MITF: variants seen among roughly 807,000 people sequenced by gnomAD.
MITF encodes melanocyte inducing transcription factor, also known as microphthalmia-associated transcription factor.
Under a neutral mutation model 60.5 loss-of-function variants are expected in MITF, and 17 were observed. The ratio of observed to expected loss-of-function variants is 0.28; its 90% CI spans 0.19 to 0.42. The LOEUF (loss-of-function observed/expected upper bound fraction) is 0.42, where lower values mean the gene tolerates loss of function less well. MITF is among the 10% of genes least tolerant of loss of function. The pLI, the probability that MITF is intolerant of heterozygous loss-of-function variation, is 1.00. For synonymous variants in MITF, 260 were observed against 248.5 expected, an observed-to-expected ratio of 1.05 and a Z score of -0.43; for missense variants, 622 against 683.5, an observed-to-expected ratio of 0.91 and a Z score of 1.00.
intron 1 of MITF, among the ~76,000 whole-genome samples, chr3:69,815,419 C>A (rs1326780828): frequency 6.6e-6 from 1 of 152,180 alleles, no homozygotes; most frequent in Non-Finnish European, 1.5e-5. Context: ...CCTTCTCCCC[C>A]TCAGCCTACT....
chr3:69,868,924 T>G (rs1341865341), intron 1 of MITF, among the ~76,000 whole-genome samples: 2 of 150,078 alleles, frequency 1.3e-5, no homozygotes, highest in African/African-American at 5.0e-5. Context: ...AAGACAGCTA[T>G]TTGGTGGAGA....
intron 1 of MITF, among the ~76,000 whole-genome samples, chr3:69,829,650 G>A (rs535737579): frequency 5.4e-5 from 8 of 149,352 alleles, no homozygotes; most frequent in Admixed American, 2.0e-4. Context: ...AAATATATTT[G>A]TGTATATACA....
Position 69,770,193 on chromosome 3 carries a change from G to A in MITF, c.104+30492G>A, listed in dbSNP as rs149309005. Reference sequence around the variant, plus strand: ...CTCCTAATTCCTTCTCCCTGTGTAAGCCATGGGACCATCAAATTGAGATTA... The same window carrying A: ...CTCCTAATTCCTTCTCCCTGTGTAAACCATGGGACCATCAAATTGAGATTA... On this transcript the variant is annotated intron_variant, in intron 1 of 9. Coordinates refer to ENST00000352241, the MANE Select transcript of MITF (RefSeq NM_001354604.2). Among the ~76,000 whole-genome samples, 836 of 152,192 alleles carry A rather than the reference G, an allele frequency of 5.5e-3. 12 individuals are homozygous for A. Among genetic ancestry groups the A allele is most frequent in the Non-Finnish European group, 8.3e-3 (567 of 68,008 alleles).
intron 1 of MITF, among the ~76,000 whole-genome samples, chr3:69,800,410 T>A (rs1202808194): frequency 3.9e-5 from 6 of 152,214 alleles, no homozygotes; most frequent in Non-Finnish European, 8.8e-5. Flanking sequence ...TTGTACAAGT[T>A]TTTGTGTGAA....
At chr3:69,876,239 C>G (rs897363522) in intron 1 of MITF, among the ~76,000 whole-genome samples, 1 of 152,072 alleles carries the variant, frequency 6.6e-6, no homozygotes, top group Non-Finnish European at 1.5e-5. Context: ...GCCAATGACT[C>G]GTCTTGAGCA....
chr3:69,861,207 A>G (rs1334307775), intron 1 of MITF, among the ~76,000 whole-genome samples: 1 of 152,206 alleles, frequency 6.6e-6, no homozygotes, highest in Non-Finnish European at 1.5e-5. Flanking sequence ...CTCAAATTAT[A>G]CTTCATAGAT....
chr3:69,841,839 A>G (rs2063642485), intron 1 of MITF, among the ~76,000 whole-genome samples: 1 of 152,196 alleles, frequency 6.6e-6, no homozygotes, highest in African/African-American at 2.4e-5. Flanking sequence ...TAGTGGTGTT[A>G]TATGTACGAA....
chr3:69,965,304 T>C lies in MITF; in HGVS notation c.*56T>C. On this transcript the variant is annotated 3_prime_UTR_variant, in exon 10 of 10. Transcript: ENST00000352241. ...CTGCTTCCTTTCTTGATTCGTAGAT[T>C]TAATAACTTACCTGAAGGGGTTTTC... The C allele has an allele frequency of 6.3e-7, 1 of 1,587,106 alleles. No individual in the cohort carries two copies. Among genetic ancestry groups the C allele is most frequent in the South Asian group, 1.1e-5 (1 of 89,126 alleles).
chr3:69,953,660 T>G (rs558269903), intron 7 of MITF, among the ~76,000 whole-genome samples: 2,472 of 135,650 alleles, frequency 0.018, 23 homozygotes, highest in African/African-American at 0.027. Context: ...TATATATATA[T>G]ATAGAGAGAG....
At chr3:69,868,892 T>C (rs2064168293) in intron 1 of MITF, among the ~76,000 whole-genome samples, 1 of 139,390 alleles carries the variant, frequency 7.2e-6, no homozygotes, top group Non-Finnish European at 1.5e-5. Flanking sequence ...GAGGCAAGAC[T>C]CCATCTCAAA....
At chr3:69,833,551 C>G (rs2063488275) in intron 1 of MITF, among the ~76,000 whole-genome samples, 1 of 151,088 alleles carries the variant, frequency 6.6e-6, no homozygotes. Flanking sequence ...GATTGTTTTT[C>G]TATGTACACT....
intron 1 of MITF, among the ~76,000 whole-genome samples, chr3:69,766,656 T>A (rs943412415): frequency 2.6e-5 from 4 of 152,164 alleles, no homozygotes; most frequent in African/African-American, 4.8e-5. Flanking sequence ...TGCTGCTACC[T>A]ACTCATATGA....
chr3:69,886,286 G>C (rs1382126766), intron 2 of MITF, among the ~76,000 whole-genome samples: 1 of 152,088 alleles, frequency 6.6e-6, no homozygotes, highest in African/African-American at 2.4e-5. Context: ...CCTTGGAGGA[G>C]GAAAGGCAAT....
intron 1 of MITF, among the ~76,000 whole-genome samples, chr3:69,786,094 C>T (rs540371609): frequency 3.3e-5 from 5 of 152,234 alleles, no homozygotes; most frequent in South Asian, 4.2e-4. Context: ...GTGCTTCCTG[C>T]GTATGCTTTA....
intron 1 of MITF, among the ~76,000 whole-genome samples, chr3:69,750,263 A>G (rs901055971): frequency 5.3e-5 from 8 of 151,948 alleles, no homozygotes; most frequent in African/African-American, 1.5e-4. Context: ...TCCTTATCAC[A>G]GGGATTGGTT....
chr3:69,868,530 G>C (rs1334757005), intron 1 of MITF, among the ~76,000 whole-genome samples: 3 of 152,100 alleles, frequency 2.0e-5, no homozygotes, highest in African/African-American at 4.8e-5. Context: ...GAGCTCTTGA[G>C]GGGCCGTGTT....
Position 69,757,997 on chromosome 3 carries a change from ATGTGTGTGTGTGTGTG to A in MITF, c.104+18326_104+18341del, listed in dbSNP as rs60250386. Among the ~76,000 whole-genome samples, 160 of 116,046 alleles carry A rather than the reference ATGTGTGTGTGTGTGTG, an allele frequency of 1.4e-3. 3 individuals carry two copies. The highest frequency in any genetic ancestry group is 4.3e-3 in the Middle Eastern group (1 of 234). 76.1% of individuals were successfully genotyped at this position (116,046 alleles called of 152,430 possible). A position where few individuals can be genotyped will look rare whatever the true frequency, so the allele number is the denominator to read the frequency against. ...AAAGAACCTGGAGTTACCCTAGGGC[ATGTGTGTGTGTGTGTG>A]TGTGTGTGTGTGTGTGTGTGTGTGT... On this transcript the variant is annotated intron_variant, in intron 1 of 9. Coordinates refer to ENST00000352241, the MANE Select transcript of MITF (RefSeq NM_001354604.2).
chr3:69,938,856 G>C (rs2065904519), intron 3 of MITF: 1 of 1,426,298 alleles, frequency 7.0e-7, no homozygotes, highest in Non-Finnish European at 9.1e-7. Flanking sequence ...AATTTCTAGA[G>C]GGACTAAAAT....
At chr3:69,908,774 G>A (rs2065155846) in intron 2 of MITF, among the ~76,000 whole-genome samples, 1 of 152,056 alleles carries the variant, frequency 6.6e-6, no homozygotes, top group South Asian at 2.1e-4. Context: ...TTTTGTTCTT[G>A]TTAGAAGAAA....
Sources: gnomAD v4.1 joint callset for allele counts (sites outside exome capture counted in the v4.1 genomes callset) on GRCh38, gnomAD v4.1.1 for gene constraint, MANE v1.5 for transcripts, NCBI Gene and HGNC (gene_info 2026-07-23, HGNC 2026-07-21) for gene names.